MACROD2: variants seen among roughly 807,000 people sequenced by gnomAD.
MACROD2 encodes ADP-ribose glycohydrolase MACROD2.
In MACROD2, 36 loss-of-function variants were observed where a neutral mutation model predicts 70.4. The ratio of observed to expected loss-of-function variants is 0.51; its 90% CI spans 0.39 to 0.68. The LOEUF is 0.68. MACROD2 is among the 30% of genes least tolerant of loss of function. The probability of loss-of-function intolerance (pLI) is 0.00; values close to 1 mark genes in which losing one functional copy is unlikely to be tolerated. For synonymous variants in MACROD2, 172 were observed against 178.8 expected (o/e 0.96, Z 0.30); for missense variants, 496 against 538.4 (o/e 0.92, Z 0.78).
At chr20:15,823,313 T>TAG (rs1600950212) in intron 8 of MACROD2, among the ~76,000 whole-genome samples, 1 of 150,482 alleles carries the variant, frequency 6.6e-6, no homozygotes, top group East Asian at 2.0e-4. Context: ...TGTGTGTGTG[T>TAG]GTGTGTGTCT....
At chr20:15,351,759 T>G (rs1203626571) in intron 6 of MACROD2, among the ~76,000 whole-genome samples, 1 of 152,214 alleles carries the variant, frequency 6.6e-6, no homozygotes, top group East Asian at 1.9e-4. Context: ...AACATGGCTA[T>G]CTGGCTAACT....
intron 8 of MACROD2, among the ~76,000 whole-genome samples, chr20:15,832,801 G>A (rs1383547137): frequency 6.6e-6 from 1 of 152,174 alleles, no homozygotes; most frequent in South Asian, 2.1e-4. Context: ...TGTTCAACAA[G>A]TTGTCCAGAC....
chr20:14,817,971 G>A (rs2072792446), intron 5 of MACROD2, among the ~76,000 whole-genome samples: 1 of 152,128 alleles, frequency 6.6e-6, no homozygotes, highest in Admixed American at 6.5e-5. Flanking sequence ...CACTGAAGCA[G>A]TAACAGCTAA....
chr20:16,003,121 CAA>C (rs3072224), intron 15 of MACROD2, among the ~76,000 whole-genome samples: 2,943 of 140,020 alleles, frequency 0.021, 33 homozygotes, highest in Middle Eastern at 0.043. Context: ...CACACACACA[CAA>C]ACAATCTCTA....
At chr20:15,565,906 G>A (rs541311211) in intron 8 of MACROD2, among the ~76,000 whole-genome samples, 4 of 152,242 alleles carry the variant, frequency 2.6e-5, no homozygotes, top group African/African-American at 7.2e-5. Context: ...AAGCCACACT[G>A]GGTTTGCAGT....
chr20:15,656,145 TGA>T (rs945318591), intron 8 of MACROD2, among the ~76,000 whole-genome samples: 1 of 152,172 alleles, frequency 6.6e-6, no homozygotes, highest in African/African-American at 2.4e-5. Context: ...AAAGTCTTCA[TGA>T]GTGATAGTGC....
intron 3 of MACROD2, among the ~76,000 whole-genome samples, chr20:14,274,293 C>T (rs2082228549): frequency 6.6e-6 from 1 of 152,152 alleles, no homozygotes; most frequent in Non-Finnish European, 1.5e-5. Context: ...AAAGCTTATC[C>T]ACCATGATCA....
intron 3 of MACROD2, among the ~76,000 whole-genome samples, chr20:14,411,626 T>A (rs149280742): frequency 6.6e-6 from 1 of 152,136 alleles, no homozygotes; most frequent in Non-Finnish European, 1.5e-5. Flanking sequence ...AGTCACTAAG[T>A]TTTGGCATCC....
At chr20:14,414,618 A>G (rs542624154) in intron 3 of MACROD2, among the ~76,000 whole-genome samples, 4 of 152,252 alleles carry the variant, frequency 2.6e-5, no homozygotes, top group South Asian at 4.1e-4. Context: ...ACAGTCTTCA[A>G]CCCTCTAAAG....
At chr20:14,734,612 C>A (rs1738723288) in intron 5 of MACROD2, among the ~76,000 whole-genome samples, 1 of 150,318 alleles carries the variant, frequency 6.7e-6, no homozygotes, top group Admixed American at 6.6e-5. Flanking sequence ...TGTCTTCATC[C>A]AAAAAACAAC....
intron 5 of MACROD2, among the ~76,000 whole-genome samples, chr20:14,915,610 G>C (rs369727196): frequency 6.6e-6 from 1 of 152,126 alleles, no homozygotes; most frequent in African/African-American, 2.4e-5. Flanking sequence ...TCCGAGGAGC[G>C]GCTGTGCCCG....
intron 12 of MACROD2, among the ~76,000 whole-genome samples, chr20:15,958,863 A>G (rs2066017106): frequency 6.6e-6 from 1 of 152,164 alleles, no homozygotes; most frequent in Non-Finnish European, 1.5e-5. Context: ...CAGGAACGTG[A>G]CCAGAAGGCG....
chr20:15,909,520 T>C (rs1456119752), intron 10 of MACROD2, among the ~76,000 whole-genome samples: 1 of 124,610 alleles, frequency 8.0e-6, no homozygotes, highest in Non-Finnish European at 1.7e-5. Flanking sequence ...TACAATTTTT[T>C]TTTTTTTTTT....
At chr20:14,877,682 AG>A (rs1293566394) in intron 5 of MACROD2, among the ~76,000 whole-genome samples, 1 of 151,936 alleles carries the variant, frequency 6.6e-6, no homozygotes, top group East Asian at 1.9e-4. Flanking sequence ...TTTATCGTGA[AG>A]GGATGTTGGA....
At chr20:15,358,336 G>A (rs1334515491) in intron 6 of MACROD2, among the ~76,000 whole-genome samples, 1 of 152,106 alleles carries the variant, frequency 6.6e-6, no homozygotes, top group Admixed American at 6.6e-5. Context: ...GAGACTTAGG[G>A]GGCTTAAGTG....
rs370691358 is a variant in MACROD2 at position 14,579,325 on chromosome 20, T to C, written c.301+85817T>C. 1.8e-4 allele frequency among the ~76,000 whole-genome samples: 27 copies of C among 151,134 alleles called. No individual in the cohort carries two copies. The South Asian group carries it at 5.5e-3, about 31-fold the overall frequency. On this transcript the variant is annotated intron_variant, in intron 4 of 17. Coordinates refer to ENST00000684519, the MANE Select transcript of MACROD2 (RefSeq NM_001351661.2). ...CCCGGCTAATTTTTTGTATTTTTAG[T>C]AGAGACGGGGTTTCACCTTGTTAGC...
chr20:14,929,369 A>C (rs2074271060), intron 5 of MACROD2: 1 of 152,102 alleles, frequency 6.6e-6, no homozygotes. Context: ...AAGACACTTG[A>C]CTCACCATTG....
chr20:15,235,382 A>G (rs1278621881), intron 6 of MACROD2, among the ~76,000 whole-genome samples: 3 of 152,204 alleles, frequency 2.0e-5, no homozygotes, highest in African/African-American at 7.2e-5. Context: ...ATGAAAAAAC[A>G]TTGTAAATTT....
At chr20:15,505,403 G>C (rs562532122) in intron 8 of MACROD2, among the ~76,000 whole-genome samples, 4 of 152,208 alleles carry the variant, frequency 2.6e-5, no homozygotes, top group Admixed American at 6.5e-5. Flanking sequence ...TAACATGAAG[G>C]AAACCTGAAC....
Sources: gnomAD v4.1 joint callset for allele counts (sites outside exome capture counted in the v4.1 genomes callset) on GRCh38, gnomAD v4.1.1 for gene constraint, MANE v1.5 for transcripts, NCBI Gene and HGNC (gene_info 2026-07-23, HGNC 2026-07-21) for gene names.